Variants in TRIM45 observed in about 807,000 individuals in gnomAD.
TRIM45 encodes tripartite motif containing 45, also known as E3 ubiquitin-protein ligase TRIM45.
In TRIM45, 45 loss-of-function variants were observed where a neutral mutation model predicts 46.7. That is an observed-to-expected ratio of 0.96 (90% CI 0.76 to 1.24). The LOEUF (loss-of-function observed/expected upper bound fraction) is 1.24, where lower values mean the gene tolerates loss of function less well. TRIM45 is among the 50% of genes most tolerant of loss of function. The pLI is 0.00. For synonymous variants in TRIM45, 259 were observed against 285.8 expected, an observed-to-expected ratio of 0.91 and a Z score of 0.94; for missense variants, 680 against 728.4, an observed-to-expected ratio of 0.93 and a Z score of 0.77.
At position 117,115,683 on chromosome 1, in the gene TRIM45, G is replaced by C. The variant is rs1304290877; in HGVS notation, c.1359C>G (p.Val453=). Residue 453 remains valine, a synonymous_variant, in exon 4 of 6, where the codon GTC becomes GTG. Transcript: ENST00000256649. This position sits in a 1 kb window ranked among gnomAD's most constrained non-coding sequence, Gnocchi z 4.2. ...VVPKDKKDSP[V]RTMVQDNKDG... is the part of the protein sequence containing the mutation. ...CCTTGTTATCCTGGACCATTGTTCT[G>C]ACTGGGCTGAATGGAGATAAGAGTC... The C allele has an allele frequency of 2.5e-6, 4 of 1,612,646 alleles. No individual in the cohort carries two copies. The South Asian group carries it at 4.4e-5, about 18-fold the overall frequency.
Position 117,121,168 on chromosome 1 carries a change from CAA to C in TRIM45, c.32_33del (p.Phe11CysfsTer6). The stretch of plus-strand genomic sequence containing the variant: ...GCAGTCCCACTAGTGAGTTTGCTTA[CAA>C]AGCCCAGCAGCGGTTTTCTGTTTTC... MSENRKPLLG[F>X]VSKLTSGTAL... On this transcript the variant is annotated frameshift_variant, in exon 1 of 6. Transcript: ENST00000256649. LOFTEE classifies it high-confidence loss of function. This position sits in a 1 kb window ranked among gnomAD's most constrained non-coding sequence, Gnocchi z 4.2. 1 of 1,579,706 alleles carries C rather than the reference CAA, an allele frequency of 6.3e-7. No homozygotes were observed. The highest frequency in any genetic ancestry group is 8.6e-7 in the Non-Finnish European group (1 of 1,164,672).
upstream of TRIM45, chr1:117,122,613 C>G (rs1454946188): frequency 2.0e-5 from 3 of 152,252 alleles, no homozygotes; most frequent in African/African-American, 7.2e-5. Flanking sequence ...GAGTTGGACC[C>G]GCTGTTTTTA....
chr1:117,118,896 C>CT lies in TRIM45; in HGVS notation c.489-130dup. 1 of 1,221,110 alleles carries CT rather than the reference C, an allele frequency of 8.2e-7. No individual in the cohort carries two copies. Among genetic ancestry groups the CT allele is most frequent in the Non-Finnish European group, 1.1e-6 (1 of 881,854 alleles). 75.6% of individuals were successfully genotyped at this position (1,221,110 alleles called of 1,614,324 possible). On this transcript the variant is annotated intron_variant, in intron 1 of 5. Transcript: ENST00000256649. This position sits in a 1 kb window ranked among gnomAD's most constrained non-coding sequence, Gnocchi z 5.7. ...TGATTTCAATTCCTTGCTCTAATCT[C>CT]TAATTGCATGAACCTCTCTGATTCC...
Position 117,121,408 on chromosome 1 carries a change from T to TGAG in TRIM45, c.-208_-207insCTC. On this transcript the variant is annotated 5_prime_UTR_variant, in exon 1 of 6. Coordinates refer to ENST00000256649, the MANE Select transcript of TRIM45 (RefSeq NM_025188.4). The surrounding 1 kb of genome is among the most constrained non-coding windows in gnomAD (Gnocchi z 4.2). ...AGATCTACTCAGGAGGGCCCCCTCC[T>TGAG]TTCCACTGCATCCCACACCAGACAC... 1.7e-6 allele frequency: 1 copy of TGAG among 583,348 alleles called. No individual in the cohort carries two copies. The highest frequency in any genetic ancestry group is 2.9e-6 in the Non-Finnish European group (1 of 340,824). The allele number at this position is 583,348 out of a possible 1,614,324, so 36.1% of individuals were successfully genotyped here.
Position 117,121,034 on chromosome 1 carries a change from C to CAGCTGCT in TRIM45, c.161_167dup (p.Glu57AlafsTer16). 3.7e-6 allele frequency: 6 copies of CAGCTGCT among 1,614,186 alleles called. No homozygotes were observed. The highest frequency in any genetic ancestry group is 5.1e-6 in the Non-Finnish European group (6 of 1,180,044). Reference sequence around the variant, plus strand: ...GGATGTCCACTACTGAGAAGGGCTCCAGCTGCTCCAGACACGTGGTGCAAA... The same window carrying CAGCTGCT: ...GGATGTCCACTACTGAGAAGGGCTCCAGCTGCTAGCTGCTCCAGACACGTGGTGCAAA... On this transcript the variant is annotated frameshift_variant, in exon 1 of 6. Coordinates refer to ENST00000256649, the MANE Select transcript of TRIM45 (RefSeq NM_025188.4). LOFTEE classifies it high-confidence loss of function. The surrounding 1 kb of genome is among the most constrained non-coding windows in gnomAD (Gnocchi z 4.2).
chr1:117,119,123 C>A (rs2101351739), intron 1 of TRIM45, among the ~76,000 whole-genome samples: 1 of 152,304 alleles, frequency 6.6e-6, no homozygotes, highest in South Asian at 2.1e-4. Context: ...GAGGGCATGG[C>A]AGAAAACCAG....
chr1:117,114,803 G>T (rs1286612892), intron 4 of TRIM45, among the ~76,000 whole-genome samples: 3 of 152,088 alleles, frequency 2.0e-5, no homozygotes, highest in African/African-American at 4.8e-5. Context: ...ACAATAAATG[G>T]CTATTAAATA....
At position 117,120,994 on chromosome 1, in the gene TRIM45, C is replaced by T; in HGVS notation, c.208G>A (p.Asp70Asn). 6.2e-7 allele frequency: 1 copy of T among 1,614,216 alleles called. No homozygotes were observed. Among genetic ancestry groups the T allele is most frequent in the Non-Finnish European group, 8.5e-7 (1 of 1,180,044 alleles). Residue 70 changes from aspartate (D) to asparagine (N), a missense_variant, in exon 1 of 6, where the codon GAC (aspartate) becomes AAC (asparagine). Coordinates refer to ENST00000256649, the MANE Select transcript of TRIM45 (RefSeq NM_025188.4). ...AATATTGACCCCTCAGAGCTTGTGTCAGAGTCTCCCCCTCGGATGTCCACT... is the reference window on the plus strand; with the variant it reads ...AATATTGACCCCTCAGAGCTTGTGTTAGAGTCTCCCCCTCGGATGTCCACT... ...SVVDIRGGDS[D>N]TSSEGSIFQE...
rs916541954 is a variant in TRIM45 at position 117,117,203 on chromosome 1, G to T, written c.1223-458C>A. Among the ~76,000 whole-genome samples, 3 of 152,120 alleles carry T rather than the reference G, an allele frequency of 2.0e-5. No homozygotes were observed. The highest frequency in any genetic ancestry group is 2.9e-5 in the Non-Finnish European group (2 of 68,020). On this transcript the variant is annotated intron_variant, in intron 2 of 5. Transcript: ENST00000256649. The surrounding 1 kb of genome is among the most constrained non-coding windows in gnomAD (Gnocchi z 4.9). Reference sequence around the variant, plus strand: ...TGGTAGCTCATGCCAAGGTACTGGGGGGATATCCAGTAGCTACAGCCCCTA... The same window carrying T: ...TGGTAGCTCATGCCAAGGTACTGGGTGGATATCCAGTAGCTACAGCCCCTA...
chr1:117,114,279 C>T (rs1317561199), intron 4 of TRIM45, among the ~76,000 whole-genome samples: 1 of 152,164 alleles, frequency 6.6e-6, no homozygotes, highest in African/African-American at 2.4e-5. Context: ...GGATAACTTT[C>T]GTTCTCTAAT....
rs1341424779 is a variant in TRIM45, at chr1:117,115,560, G to A, written c.1467+15C>T. 1.3e-5 allele frequency: 21 copies of A among 1,590,214 alleles called. No homozygotes were observed. Among genetic ancestry groups the A allele is most frequent in the East Asian group, 1.1e-4 (5 of 44,750 alleles). The stretch of plus-strand genomic sequence containing the variant: ...GAATCCAGGGAGCTCAGGGAAGCAC[G>A]TGCACCAGTCTTACCTGCACATGCT... On this transcript the variant is annotated intron_variant, in intron 4 of 5. Transcript: ENST00000256649. This position sits in a 1 kb window ranked among gnomAD's most constrained non-coding sequence, Gnocchi z 4.2.
rs1247990558 is a variant in TRIM45 at position 117,115,662 on chromosome 1, G to T, written c.1380C>A (p.Asn460Lys). 6.2e-7 allele frequency: 1 copy of T among 1,613,934 alleles called. No homozygotes were observed. Among genetic ancestry groups the T allele is most frequent in the Non-Finnish European group, 8.5e-7 (1 of 1,179,966 alleles). Residue 460 changes from asparagine to lysine, a missense_variant, in exon 4 of 6, where the codon AAC becomes AAA. Physicochemically the swap from Asn to Lys is moderately conservative, Grantham distance 94 (BLOSUM62 0). Transcript: ENST00000256649. The surrounding 1 kb of genome is among the most constrained non-coding windows in gnomAD (Gnocchi z 4.2). The stretch of plus-strand genomic sequence containing the variant: ...AGGAAATGTAGTATGTCCCATCCTT[G>T]TTATCCTGGACCATTGTTCTGACTG... ...DSPVRTMVQD[N>K]KDGTYYISYT...
rs768421796 is a variant in TRIM45 at position 117,118,679 on chromosome 1, C to T, written c.577G>A (p.Val193Ile). ...SRIGKPILCP[V>I]HPAEELRLFC... ...AGCCTCAGTTCCTCTGCAGGGTGAA[C>T]AGGACACAGGATGGGCTTCCCAATC... Residue 193 changes from valine (V) to isoleucine (I), a missense_variant, in exon 2 of 6, where the codon GTT becomes ATT. This residue lies in a region of TRIM45 where 349 missense variants were observed against 343.6 expected (regional missense o/e 1.02). Transcript: ENST00000256649. The surrounding 1 kb of genome is among the most constrained non-coding windows in gnomAD (Gnocchi z 5.7). 2.5e-6 allele frequency: 4 copies of T among 1,613,792 alleles called. No individual in the cohort carries two copies. The highest frequency in any genetic ancestry group is 2.2e-5 in the East Asian group (1 of 44,890).
At position 117,121,749 on chromosome 1, in the gene TRIM45, C is replaced by G. The variant is rs1650647585; in HGVS notation, c.-548G>C. On this transcript the variant is annotated 5_prime_UTR_variant, in exon 1 of 6. Coordinates refer to ENST00000256649, the MANE Select transcript of TRIM45 (RefSeq NM_025188.4). The surrounding 1 kb of genome is among the most constrained non-coding windows in gnomAD (Gnocchi z 4.2). ...GGCCCGGGACGCCCGCGGGCTCTGG[C>G]CCCTCCTCACACCAATCCCAGCCCG... The G allele has an allele frequency of 1.5e-6, 1 of 667,946 alleles. No homozygotes were observed. The highest frequency in any genetic ancestry group is 2.4e-5 in the Admixed American group (1 of 42,548). The allele number at this position is 667,946 out of a possible 1,614,324, so 41.4% of individuals were successfully genotyped here.
In TRIM45 at chr1:117,113,083, GGACA is replaced by G. The variant is rs1412922202; in HGVS notation, c.1594+272_1594+275del. Reference sequence around the variant, plus strand: ...TCACACTGCTTAGGCCGCTGGAAAGGGACAGACAAACTGAGAATCCTACATAGAA... The same window carrying G: ...TCACACTGCTTAGGCCGCTGGAAAGGGACAAACTGAGAATCCTACATAGAA... On this transcript the variant is annotated intron_variant, in intron 5 of 5. Transcript: ENST00000256649. The surrounding 1 kb of genome is among the most constrained non-coding windows in gnomAD (Gnocchi z 4.0). 1.7e-4 allele frequency among the ~76,000 whole-genome samples: 26 copies of G among 152,310 alleles called. No homozygotes were observed. Among genetic ancestry groups the G allele is most frequent in the East Asian group, 5.8e-4 (3 of 5,184 alleles).
Position 117,118,675 on chromosome 1 carries a change from T to G in TRIM45, c.581A>C (p.His194Pro). The change falls in exon 2 of 6, where the codon CAC becomes CCC. Residue 194 changes from histidine to proline, a missense_variant. By Grantham distance (77) the His-to-Pro change is moderately conservative (BLOSUM62 -2). This residue lies in a region of TRIM45 where 349 missense variants were observed against 343.6 expected (regional missense o/e 1.02). Transcript: ENST00000256649. This position sits in a 1 kb window ranked among gnomAD's most constrained non-coding sequence, Gnocchi z 5.7. The part of the protein sequence containing the change: ...RIGKPILCPV[H>P]PAEELRLFCE... ...GAACAGCCTCAGTTCCTCTGCAGGG[T>G]GAACAGGACACAGGATGGGCTTCCC... The G allele has an allele frequency of 6.2e-7, 1 of 1,613,918 alleles. No homozygotes were observed.
chr1:117,115,765 C>T lies in TRIM45; in HGVS notation c.1353-76G>A. 1.1e-6 allele frequency: 1 copy of T among 939,412 alleles called. No individual in the cohort carries two copies. Among genetic ancestry groups the T allele is most frequent in the East Asian group, 2.4e-5 (1 of 41,524 alleles). 58.2% of individuals were successfully genotyped at this position (939,412 alleles called of 1,614,324 possible). A position where few individuals can be genotyped will look rare whatever the true frequency, so the allele number is the denominator to read the frequency against. On this transcript the variant is annotated intron_variant, in intron 3 of 5. Transcript: ENST00000256649. This position sits in a 1 kb window ranked among gnomAD's most constrained non-coding sequence, Gnocchi z 4.2. The stretch of plus-strand genomic sequence containing the variant: ...AGTTGCTACTATTTCAGAATGTAAA[C>T]TCTACACCATCCCATTCAGTATTAA...
chr1:117,117,521 TC>T lies in TRIM45; in HGVS notation c.1222+512del, dbSNP rs1192465928. ...ACACTCGTTAAAAAAAACCATTTTT[TC>T]CCCCAATTAAATGAAACACCTACCA... is the stretch of plus-strand genomic sequence containing the variant. On this transcript the variant is annotated intron_variant, in intron 2 of 5. Transcript: ENST00000256649. This position sits in a 1 kb window ranked among gnomAD's most constrained non-coding sequence, Gnocchi z 4.9. 6.6e-6 allele frequency among the ~76,000 whole-genome samples: 1 copy of T among 152,062 alleles called. No homozygotes were observed. The highest frequency in any genetic ancestry group is 2.4e-5 in the African/African-American group (1 of 41,386).
rs772674601 is a variant in TRIM45, at chr1:117,118,746, G to GT, written c.509dup (p.Tyr170Ter). 9 of 1,612,582 alleles carry GT rather than the reference G, an allele frequency of 5.6e-6. 1 individual carries two copies. In the South Asian group the frequency reaches 9.9e-5, roughly 18 times the overall value. The change falls in exon 2 of 6, where the codon TAC becomes TAAC. Residue 170 changes from tyrosine to a stop codon, truncating the protein, a stop_gained and frameshift_variant. Coordinates refer to ENST00000256649, the MANE Select transcript of TRIM45 (RefSeq NM_025188.4). LOFTEE classifies it high-confidence loss of function. The surrounding 1 kb of genome is among the most constrained non-coding windows in gnomAD (Gnocchi z 5.7). ...AGTCTTTTAGGTCCACCATGGTGTG[G>GT]TAAGTCGTTTTCTTCTGCCGCCTAG... ...QAHRRQKKTTYHTMVDLKDLK... is the reference protein window; with the variant it reads ...QAHRRQKKTT
Sources: allele counts gnomAD v4.1 joint callset (sites outside exome capture counted in the v4.1 genomes callset), GRCh38; gene constraint gnomAD v4.1.1; regional missense constraint gnomAD v4.1.1; non-coding constraint Gnocchi (gnomAD v3.1); transcripts MANE v1.5; gene names NCBI Gene and HGNC (gene_info 2026-07-23, HGNC 2026-07-21).